Variants in RHBDD1 observed in about 807,000 individuals in gnomAD.
RHBDD1 encodes rhomboid domain containing 1, also known as rhomboid-related protein 4.
RHBDD1 carries 38 observed loss-of-function variants against 36.3 expected under a neutral mutation model. The ratio of observed to expected loss-of-function variants is 1.05; its 90% confidence interval spans 0.81 to 1.37. The LOEUF is 1.37. Ranked by LOEUF, RHBDD1 falls within the 40% of genes most tolerant of loss-of-function variation. RHBDD1 has a pLI of 0.00. For missense variants in RHBDD1, 393 were observed against 377.6 expected, an observed-to-expected ratio of 1.04 and a Z score of -0.34; for synonymous variants, 151 against 136.5, an observed-to-expected ratio of 1.11 and a Z score of -0.74.
intron 8 of RHBDD1, among the ~76,000 whole-genome samples, chr2:226,925,511 T>C (rs566145430): frequency 6.6e-6 from 1 of 152,238 alleles, no homozygotes; most frequent in African/African-American, 2.4e-5. Flanking sequence ...GGCCAGAAAT[T>C]TATAAAATAA....
At chr2:226,984,936 A>T (rs1248177774) in intron 8 of RHBDD1, among the ~76,000 whole-genome samples, 1 of 45,278 alleles carries the variant, frequency 2.2e-5, no homozygotes, top group African/African-American at 8.6e-5. Flanking sequence ...GGGGTGGGGG[A>T]GGGGGAGGAG....
At chr2:226,910,904 G>T (rs1948472448) in intron 7 of RHBDD1, among the ~76,000 whole-genome samples, 1 of 152,022 alleles carries the variant, frequency 6.6e-6, no homozygotes, top group Non-Finnish European at 1.5e-5. Context: ...TGACGATATA[G>T]AACGTTTAGC....
intron 5 of RHBDD1, among the ~76,000 whole-genome samples, chr2:226,892,236 A>G (rs1946748219): frequency 6.6e-6 from 1 of 152,238 alleles, no homozygotes; most frequent in Non-Finnish European, 1.5e-5. Context: ...ACAGAGTAGT[A>G]TGTGATGTTG....
intron 8 of RHBDD1, among the ~76,000 whole-genome samples, chr2:226,934,173 A>T (rs1331503181): frequency 6.6e-6 from 1 of 152,158 alleles, no homozygotes; most frequent in Non-Finnish European, 1.5e-5. Flanking sequence ...TATTTTTATT[A>T]TACCTTTTCT....
At chr2:226,912,505 G>A (rs1207812051) in intron 7 of RHBDD1, among the ~76,000 whole-genome samples, 1 of 152,124 alleles carries the variant, frequency 6.6e-6, no homozygotes, top group African/African-American at 2.4e-5. Flanking sequence ...AAGCCATACA[G>A]TGGAATATTA....
intron 8 of RHBDD1, among the ~76,000 whole-genome samples, chr2:226,939,660 G>A: frequency 6.6e-6 from 1 of 152,186 alleles, no homozygotes; most frequent in East Asian, 1.9e-4. Context: ...TGGATAGGAA[G>A]AATCAATATC....
chr2:226,902,156 G>A (rs999628416), intron 5 of RHBDD1, among the ~76,000 whole-genome samples: 2 of 152,210 alleles, frequency 1.3e-5, no homozygotes, highest in African/African-American at 4.8e-5. Context: ...GCTTCGGATG[G>A]CATCTTCCAC....
intron 8 of RHBDD1, among the ~76,000 whole-genome samples, chr2:226,972,831 G>A (rs1419380365): frequency 6.6e-6 from 1 of 151,350 alleles, no homozygotes; most frequent in Non-Finnish European, 1.5e-5. Flanking sequence ...TCAGTTTTTG[G>A]TTGGGTTATA....
chr2:226,948,564 T>TAAAAAAAAACAAAAAAAAAAAAAAAAA (rs1951167746), intron 8 of RHBDD1, among the ~76,000 whole-genome samples: 1 of 23,556 alleles, frequency 4.2e-5, no homozygotes, highest in Non-Finnish European at 8.3e-5. Flanking sequence ...ACTTAAAGTA[T>TAAAAAAAAACAAAAAAAAAAAAAAAAA]AAAAAAAAAA....
In RHBDD1 at chr2:226,901,315, G is replaced by A. The variant is rs182265510; in HGVS notation, c.567-5478G>A. 3.8e-3 allele frequency among the ~76,000 whole-genome samples: 580 copies of A among 152,120 alleles called. 3 individuals carry two copies. The highest frequency in any genetic ancestry group is 0.012 in the South Asian group (59 of 4,812). ...ACACTTAGGTTGTTTTCTTATCTTGGCTATTGTGAATAATGATGTAATGAA... is the reference window on the plus strand; with the variant it reads ...ACACTTAGGTTGTTTTCTTATCTTGACTATTGTGAATAATGATGTAATGAA... On this transcript the variant is annotated intron_variant, in intron 5 of 8. Coordinates refer to ENST00000392062, the MANE Select transcript of RHBDD1 (RefSeq NM_001167608.3).
chr2:226,992,756 G>T (rs1419777509), intron 8 of RHBDD1, among the ~76,000 whole-genome samples: 1 of 152,206 alleles, frequency 6.6e-6, no homozygotes, highest in South Asian at 2.1e-4. Flanking sequence ...GGCGGGAATG[G>T]TGAGAGGTGC....
At chr2:226,823,341 T>C in the RHBDD1 span, among the ~76,000 whole-genome samples, 1 of 152,190 alleles carries the variant, frequency 6.6e-6, no homozygotes, top group Non-Finnish European at 1.5e-5. Context: ...GTTATAAAAG[T>C]CCAAATGGAT....
chr2:226,814,222 A>T, the RHBDD1 span, among the ~76,000 whole-genome samples: 1 of 152,186 alleles, frequency 6.6e-6, no homozygotes, highest in Non-Finnish European at 1.5e-5. Context: ...CATTTAAAGC[A>T]TTCAGCAACC....
the RHBDD1 span, among the ~76,000 whole-genome samples, chr2:226,809,344 A>G: frequency 6.6e-6 from 1 of 152,262 alleles, no homozygotes; most frequent in Non-Finnish European, 1.5e-5. Flanking sequence ...TGTGTTATGT[A>G]TAAGATATTA....
At chr2:226,872,592 G>T (rs902902725) in intron 5 of RHBDD1, among the ~76,000 whole-genome samples, 2 of 152,100 alleles carry the variant, frequency 1.3e-5, no homozygotes, top group African/African-American at 4.8e-5. Flanking sequence ...TACTTTTCAA[G>T]TTTTTGTGAA....
At chr2:226,959,058 T>C (rs1014058115) in intron 8 of RHBDD1, among the ~76,000 whole-genome samples, 4 of 152,158 alleles carry the variant, frequency 2.6e-5, no homozygotes, top group Non-Finnish European at 4.4e-5. Context: ...GAAATCTAAA[T>C]GTCTTCAGGA....
intron 3 of RHBDD1, among the ~76,000 whole-genome samples, chr2:226,848,744 CTT>C (rs1942488092): frequency 1.3e-5 from 2 of 152,102 alleles, no homozygotes; most frequent in Admixed American, 6.5e-5. Context: ...ATTAAGAACT[CTT>C]TTCTGCAGAC....
intron 8 of RHBDD1, among the ~76,000 whole-genome samples, chr2:226,964,883 G>A (rs961613397): frequency 1.3e-5 from 2 of 152,134 alleles, no homozygotes; most frequent in Admixed American, 1.3e-4. Flanking sequence ...AGGCCATCTG[G>A]GACTCTGATT....
At chr2:226,826,049 G>A in the RHBDD1 span, among the ~76,000 whole-genome samples, 1 of 152,256 alleles carries the variant, frequency 6.6e-6, no homozygotes, top group East Asian at 1.9e-4. Context: ...GTTAGATAGA[G>A]GAGTGATAAA....
Sources: gnomAD v4.1 joint callset for allele counts (sites outside exome capture counted in the v4.1 genomes callset) on GRCh38, gnomAD v4.1.1 for gene constraint, MANE v1.5 for transcripts, NCBI Gene and HGNC (gene_info 2026-07-23, HGNC 2026-07-21) for gene names.